The following ELP3 variants were observed in gnomAD, a reference collection of about 807,000 sequenced individuals.
The protein encoded by ELP3 is elongator complex protein 3.
Under a neutral mutation model 74.9 loss-of-function variants are expected in ELP3, and 56 were observed. The observed-to-expected ratio is 0.75, with a 90% CI of 0.60 to 0.93. ELP3 has a LOEUF of 0.93. ELP3 is among the 40% of genes least tolerant of loss of function. The pLI is 0.00. For missense variants in ELP3, 573 were observed against 686.5 expected (o/e 0.83, Z 1.85); for synonymous variants, 222 against 239.8 (o/e 0.93, Z 0.68).
chr8:28,147,434 A>T lies in ELP3; in HGVS notation c.1101-8508A>T, dbSNP rs773889306. On this transcript the variant is annotated intron_variant, in intron 10 of 14. Coordinates refer to ENST00000256398, the MANE Select transcript of ELP3 (RefSeq NM_018091.6). The surrounding 1 kb of genome is among the most constrained non-coding windows in gnomAD (Gnocchi z 4.5). ...GCAAAGAAGTTATTTGATTTAGCAA[A>T]TGAGTAGATGTCCTAAAGATAAGGA... Among the ~76,000 whole-genome samples the T allele has an allele frequency of 6.6e-6, 1 of 152,202 alleles. No individual in the cohort carries two copies. The highest frequency in any genetic ancestry group is 1.5e-5 in the Non-Finnish European group (1 of 68,028).
chr8:28,133,284 T>G (rs1812850267), intron 9 of ELP3, among the ~76,000 whole-genome samples: 1 of 152,166 alleles, frequency 6.6e-6, no homozygotes, highest in East Asian at 1.9e-4. Context: ...TCTATTGAGA[T>G]AAGAATATTT....
chr8:28,142,730 T>C (rs1813292262), intron 10 of ELP3, among the ~76,000 whole-genome samples: 1 of 152,242 alleles, frequency 6.6e-6, no homozygotes, highest in Non-Finnish European at 1.5e-5. Flanking sequence ...ACTGTGAATA[T>C]GATCATTTGC....
At chr8:28,132,512 C>T (rs906497908) in intron 9 of ELP3, 108 bp downstream of exon 9, 13 of 1,384,874 alleles carry the variant, frequency 9.4e-6, no homozygotes, top group East Asian at 7.1e-5. Context: ...TAAAGAAATG[C>T]ATCCTTATTA....
chr8:28,122,252 C>A (rs976110562), intron 7 of ELP3, among the ~76,000 whole-genome samples: 1 of 152,080 alleles, frequency 6.6e-6, no homozygotes, highest in Non-Finnish European at 1.5e-5. Flanking sequence ...CTGTAATTTT[C>A]TTTTTTATAA....
intron 1 of ELP3, chr8:28,093,436 T>G (rs1811125654): frequency 1.6e-6 from 1 of 638,420 alleles, no homozygotes; most frequent in Non-Finnish European, 2.7e-6. Context: ...ACCCTTCCTC[T>G]CTTCCTCTTT....
At chr8:28,165,485 G>A (rs540667353) in intron 14 of ELP3, among the ~76,000 whole-genome samples, 1 of 152,252 alleles carries the variant, frequency 6.6e-6, no homozygotes, top group Admixed American at 6.5e-5. Context: ...TCCTCAGTTT[G>A]TAAATCCATC....
chr8:28,101,629 G>C (rs1413646189), intron 3 of ELP3, among the ~76,000 whole-genome samples: 1 of 139,624 alleles, frequency 7.2e-6, no homozygotes. Flanking sequence ...TTGTTCTGTT[G>C]CCCAGGCAGG....
At chr8:28,161,878 T>C in intron 13 of ELP3, 119 bp from the exon 14 acceptor site, 1 of 888,594 alleles carries the variant, frequency 1.1e-6, no homozygotes, top group Middle Eastern at 2.3e-4. Context: ...ATAAGTGGGC[T>C]TTTTCACTCT....
chr8:28,091,060 C>A (rs569077314), upstream of ELP3, among the ~76,000 whole-genome samples: 20 of 152,096 alleles, frequency 1.3e-4, no homozygotes, highest in African/African-American at 4.8e-4. Context: ...GGGCCCACCA[C>A]CACGCCCGGC....
In ELP3 at chr8:28,160,402, G is replaced by T. The variant is rs1367617085; in HGVS notation, c.1431G>T (p.Val477=). 2 of 1,614,056 alleles carry T rather than the reference G, an allele frequency of 1.2e-6. No homozygotes were observed. ...GGVSIVRELH[V]YGSVVPVSSR... ...TCTCCATAGTACGAGAGCTGCATGTGTATGGGAGTGTGGTCCCTGTGAGCA... is the reference window on the plus strand; with the variant it reads ...TCTCCATAGTACGAGAGCTGCATGTTTATGGGAGTGTGGTCCCTGTGAGCA... Residue 477 remains valine, a synonymous_variant, in exon 13 of 15, where the codon GTG becomes GTT. Transcript: ENST00000256398.
At chr8:28,159,826 G>A (rs1260929738) in intron 12 of ELP3, among the ~76,000 whole-genome samples, 2 of 152,144 alleles carry the variant, frequency 1.3e-5, no homozygotes, top group Admixed American at 1.3e-4. Context: ...ACTAGAAGAT[G>A]AAACCCAAAC....
rs142408330 is a variant in ELP3, at chr8:28,114,828, A to T, written c.617+1655A>T. ...TTATTTGAAATGCAGTAGGGAGCAG[A>T]TGAAGGGGAAGTGGCAAGTTCTGGT... On this transcript the variant is annotated intron_variant, in intron 7 of 14. Transcript: ENST00000256398. Among the ~76,000 whole-genome samples the T allele has an allele frequency of 1.7e-4, 26 of 152,286 alleles. No homozygotes were observed. In the East Asian group the frequency reaches 5.0e-3, roughly 29 times the overall value.
intron 7 of ELP3, 120 bp downstream of exon 7, chr8:28,113,293 G>A: frequency 1.5e-6 from 1 of 670,258 alleles, no homozygotes; most frequent in African/African-American, 1.9e-5. Flanking sequence ...AATCTTTCTT[G>A]TTTCATGGGA....
chr8:28,137,859 G>T lies in ELP3; in HGVS notation c.1068G>T (p.Val356=). 1 of 1,613,116 alleles carries T rather than the reference G, an allele frequency of 6.2e-7. No homozygotes were observed. Among genetic ancestry groups the T allele is most frequent in the South Asian group, 1.1e-5 (1 of 90,884 alleles). Residue 356 remains valine (V), a synonymous_variant, in exon 10 of 15, where the codon GTG becomes GTT. Transcript: ENST00000256398. ...VELVARILAL[V]PPWTRVYRVQ... is the part of the protein sequence containing the mutation. ...TGGTGGCTCGGATCCTAGCCCTCGT[G>T]CCTCCATGGACTCGAGTGTACCGAG... is the stretch of plus-strand genomic sequence containing the variant.
rs777767559 is a variant in ELP3 at position 28,155,983 on chromosome 8, G to GT, written c.1143dup (p.Asn382Ter). ...TTAGTTAGCTCAGGAGTAGAGCATG[G>GT]TAACCTGAGAGAGCTGGCACTTGCA... On this transcript the variant is annotated frameshift_variant, in exon 11 of 15. Coordinates refer to ENST00000256398, the MANE Select transcript of ELP3 (RefSeq NM_018091.6). LOFTEE classifies it high-confidence loss of function. 7 of 1,613,868 alleles carry GT rather than the reference G, an allele frequency of 4.3e-6. No homozygotes were observed. The Admixed American group carries it at 8.3e-5, about 19-fold the overall frequency.
At chr8:28,114,017 C>T (rs1812024292) in intron 7 of ELP3, among the ~76,000 whole-genome samples, 1 of 151,968 alleles carries the variant, frequency 6.6e-6, no homozygotes, top group Admixed American at 6.6e-5. Context: ...AAGAATACTA[C>T]AGGTTAGTAT....
At chr8:28,174,926 G>A (rs147606583) in intron 14 of ELP3, among the ~76,000 whole-genome samples, 1 of 152,166 alleles carries the variant, frequency 6.6e-6, no homozygotes, top group African/African-American at 2.4e-5. Flanking sequence ...TTCTTGATTG[G>A]CAGATTTACT....
intron 5 of ELP3, among the ~76,000 whole-genome samples, chr8:28,109,964 G>A (rs1811848708): frequency 6.6e-6 from 1 of 152,204 alleles, no homozygotes; most frequent in Admixed American, 6.5e-5. Context: ...TTTCGTGGCT[G>A]TAGAGTATTC....
At chr8:28,090,235 G>A, upstream of ELP3, 1 of 267,618 alleles carries the variant, frequency 3.7e-6, no homozygotes, top group Non-Finnish European at 7.2e-6. Flanking sequence ...CCCAGCCGAA[G>A]CTTCAGGAGA....
Sources: gnomAD v4.1 joint callset for allele counts (sites outside exome capture counted in the v4.1 genomes callset) on GRCh38, gnomAD v4.1.1 for gene constraint, Gnocchi (gnomAD v3.1) non-coding constraint, MANE v1.5 for transcripts, NCBI Gene and HGNC (gene_info 2026-07-23, HGNC 2026-07-21) for gene names.